CNTN1: variants seen among roughly 807,000 people sequenced by gnomAD.
The protein encoded by CNTN1 is contactin-1.
A neutral mutation model predicts 126.4 loss-of-function variants in CNTN1; 38 were observed. The observed-to-expected ratio is 0.30, with a 90% CI of 0.23 to 0.39. The LOEUF (loss-of-function observed/expected upper bound fraction) is 0.39. Ranked by LOEUF, CNTN1 falls within the 10% of genes least tolerant of loss-of-function variation. The pLI is 1.00. For synonymous variants in CNTN1, 413 were observed against 422.6 expected (o/e 0.98, Z 0.28); for missense variants, 1,009 against 1,248.4 (o/e 0.81, Z 2.89).
chr12:40,885,340 T>C (rs1943992509), intron 1 of CNTN1, among the ~76,000 whole-genome samples: 1 of 151,992 alleles, frequency 6.6e-6, no homozygotes, highest in South Asian at 2.1e-4. Context: ...TTAGTTCTTA[T>C]AGAATCTGTT....
chr12:40,981,199 G>C, intron 16 of CNTN1, 132 bp downstream of exon 16: 1 of 807,810 alleles, frequency 1.2e-6, no homozygotes, highest in Admixed American at 2.6e-5. Context: ...TTTTTAAAAT[G>C]TATTCTAATA....
intron 1 of CNTN1, among the ~76,000 whole-genome samples, chr12:40,839,899 AAAC>A (rs1020311757): frequency 1.3e-5 from 2 of 152,142 alleles, no homozygotes; most frequent in South Asian, 2.1e-4. Context: ...GAAATCCACC[AAAC>A]AACAAAGAGT....
rs767811479 is a variant in CNTN1 at position 40,930,016 on chromosome 12, T to C, written c.703+14T>C. 2 of 1,587,578 alleles carry C rather than the reference T, an allele frequency of 1.3e-6. No homozygotes were observed. Among genetic ancestry groups the C allele is most frequent in the Non-Finnish European group, 1.7e-6 (2 of 1,156,282 alleles). On this transcript the variant is annotated intron_variant, in intron 7 of 23. Coordinates refer to ENST00000551295, the MANE Select transcript of CNTN1 (RefSeq NM_001843.4). ...CAATACCTGAACGTAAGTATTTTAT[T>C]TGTTACACTCTGTTTTCGCAAGGTT...
intron 16 of CNTN1, among the ~76,000 whole-genome samples, chr12:40,988,015 T>C (rs1948006248): frequency 6.6e-6 from 1 of 152,094 alleles, no homozygotes. Flanking sequence ...TTTATGAGGC[T>C]ACATTCGTAT....
In CNTN1 at chr12:40,922,415, C is replaced by A. The variant is rs770306157; in HGVS notation, c.387C>A (p.Thr129=). The change falls in exon 5 of 24, where the codon ACC becomes ACA. Residue 129 remains threonine, a synonymous_variant. Coordinates refer to ENST00000551295, the MANE Select transcript of CNTN1 (RefSeq NM_001843.4). ...NYGMVRSTEA[T]LSFGYLDPFP... ...GGATGGTCAGAAGCACTGAAGCAAC[C>A]CTGAGCTTTGGATGTAAGTAAACTG... 2 of 1,613,812 alleles carry A rather than the reference C, an allele frequency of 1.2e-6. No homozygotes were observed. The highest frequency in any genetic ancestry group is 1.7e-6 in the Non-Finnish European group (2 of 1,179,888).
chr12:40,776,415 C>A (rs552650950), intron 1 of CNTN1, among the ~76,000 whole-genome samples: 1 of 151,340 alleles, frequency 6.6e-6, no homozygotes. Flanking sequence ...TAAGATAGAA[C>A]CAGGAGAGGA....
At chr12:40,715,315 T>G (rs1942022540) in intron 1 of CNTN1, among the ~76,000 whole-genome samples, 1 of 152,144 alleles carries the variant, frequency 6.6e-6, no homozygotes. Flanking sequence ...GTGCCAACAC[T>G]TCTCTGTTAA....
intron 1 of CNTN1, among the ~76,000 whole-genome samples, chr12:40,902,591 A>G (rs1003750203): frequency 6.6e-6 from 1 of 152,120 alleles, no homozygotes; most frequent in Non-Finnish European, 1.5e-5. Flanking sequence ...TTTTTTTTGT[A>G]AAAGTGATAT....
intron 17 of CNTN1, among the ~76,000 whole-genome samples, chr12:40,999,200 A>G (rs2120576308): frequency 6.6e-6 from 1 of 152,292 alleles, no homozygotes; most frequent in South Asian, 2.1e-4. Flanking sequence ...CACTCTTATA[A>G]GCATCATAAG....
chr12:40,864,693 A>G (rs1220383382), intron 1 of CNTN1, among the ~76,000 whole-genome samples: 1 of 152,168 alleles, frequency 6.6e-6, no homozygotes, highest in Admixed American at 6.6e-5. Flanking sequence ...TTACTGTATA[A>G]TATTCCATTG....
chr12:40,818,459 C>T (rs1052112312), intron 1 of CNTN1, among the ~76,000 whole-genome samples: 4 of 151,974 alleles, frequency 2.6e-5, no homozygotes, highest in African/African-American at 9.7e-5. Context: ...TTTGTCAATT[C>T]TTCTGTTTTT....
At chr12:40,891,132 C>T (rs1413823233) in intron 1 of CNTN1, among the ~76,000 whole-genome samples, 1 of 152,064 alleles carries the variant, frequency 6.6e-6, no homozygotes, top group African/African-American at 2.4e-5. Context: ...TTGAGCATCT[C>T]TTCATATATT....
chr12:40,730,900 C>A (rs779471547), intron 1 of CNTN1, among the ~76,000 whole-genome samples: 4 of 151,866 alleles, frequency 2.6e-5, no homozygotes, highest in Admixed American at 1.3e-4. Flanking sequence ...GAATGCCTTG[C>A]AATGTAAACG....
chr12:40,748,609 A>G (rs1938275822), intron 1 of CNTN1, among the ~76,000 whole-genome samples: 1 of 152,134 alleles, frequency 6.6e-6, no homozygotes, highest in East Asian at 1.9e-4. Flanking sequence ...GCTATTTAAA[A>G]CACAATGTAA....
intron 2 of CNTN1, among the ~76,000 whole-genome samples, chr12:40,909,021 A>G (rs67249613): frequency 0.14 from 20,890 of 152,122 alleles, 1,949 homozygotes; most frequent in African/African-American, 0.27. Flanking sequence ...ATGTTTAACA[A>G]CTGATTCACA....
chr12:40,754,415 C>A (rs1297965858), intron 1 of CNTN1, among the ~76,000 whole-genome samples: 1 of 152,110 alleles, frequency 6.6e-6, no homozygotes, highest in East Asian at 1.9e-4. Flanking sequence ...ACATTACTTA[C>A]AATTCCTAAT....
intron 1 of CNTN1, among the ~76,000 whole-genome samples, chr12:40,837,330 G>C (rs547242844): frequency 6.6e-6 from 1 of 152,172 alleles, no homozygotes; most frequent in Non-Finnish European, 1.5e-5. Flanking sequence ...GGGAGAGAGA[G>C]ACAGTCTGCC....
At chr12:41,052,792 T>G (rs537961984) in intron 23 of CNTN1, among the ~76,000 whole-genome samples, 1 of 152,068 alleles carries the variant, frequency 6.6e-6, no homozygotes, top group Non-Finnish European at 1.5e-5. Context: ...CTTAAGAACA[T>G]TTATTTATCC....
chr12:41,017,827 C>T (rs1322183738), intron 19 of CNTN1, among the ~76,000 whole-genome samples: 3 of 152,014 alleles, frequency 2.0e-5, no homozygotes, highest in Non-Finnish European at 4.4e-5. Flanking sequence ...CATGGTGGCT[C>T]ACGCCTGTAA....
Sources: allele counts gnomAD v4.1 joint callset (sites outside exome capture counted in the v4.1 genomes callset), GRCh38; gene constraint gnomAD v4.1.1; transcripts MANE v1.5; gene names NCBI Gene and HGNC (gene_info 2026-07-23, HGNC 2026-07-21).